Variants in CDYL observed in about 807,000 individuals in gnomAD.
CDYL encodes the protein chromodomain Y like.
CDYL carries 8 observed loss-of-function variants against 47.3 expected under a neutral mutation model. That is an observed-to-expected ratio of 0.17 (90% confidence interval 0.10 to 0.31). CDYL has a LOEUF of 0.31. Among genes scored for constraint, CDYL ranks in the 10% least tolerant of loss-of-function variants. The pLI, the probability that CDYL is intolerant of heterozygous loss-of-function variation, is 1.00. For synonymous variants in CDYL, 266 were observed against 265.0 expected (o/e 1.00, Z -0.04); for missense variants, 471 against 701.4 (o/e 0.67, Z 3.71).
intron 1 of CDYL, among the ~76,000 whole-genome samples, chr6:4,889,633 T>C (rs1449434285): frequency 6.6e-6 from 1 of 152,234 alleles, no homozygotes; most frequent in African/African-American, 2.4e-5. Context: ...TTTGTTTTTG[T>C]CTTTGTTTAA....
intron 1 of CDYL, among the ~76,000 whole-genome samples, chr6:4,786,659 T>C (rs1758764339): frequency 6.6e-6 from 1 of 152,246 alleles, no homozygotes; most frequent in Non-Finnish European, 1.5e-5. Context: ...GTTTATTCTC[T>C]GTACTTTAAA....
At chr6:4,854,321 A>T (rs1473724691) in intron 1 of CDYL, among the ~76,000 whole-genome samples, 1 of 152,220 alleles carries the variant, frequency 6.6e-6, no homozygotes, top group East Asian at 1.9e-4. Context: ...AAAACTCAGC[A>T]TCCGCAGTTC....
At chr6:4,708,535 T>G (rs1397976948) in intron 1 of CDYL, among the ~76,000 whole-genome samples, 1 of 152,224 alleles carries the variant, frequency 6.6e-6, no homozygotes, top group Non-Finnish European at 1.5e-5. Flanking sequence ...AATTTTTGAA[T>G]TTTTTCTATG....
upstream of CDYL, chr6:4,772,885 T>G: frequency 2.9e-6 from 1 of 339,246 alleles, no homozygotes; most frequent in South Asian, 2.3e-5. Context: ...TTGGCTTCTT[T>G]TGTTTTTTTC....
At chr6:4,733,181 A>G (rs377282045) in intron 2 of CDYL, 2 of 152,284 alleles carry the variant, frequency 1.3e-5, no homozygotes, top group East Asian at 3.9e-4. Context: ...AGCCTGCCTG[A>G]TGATGATCAA....
At chr6:4,802,906 G>A (rs1048521946) in intron 1 of CDYL, among the ~76,000 whole-genome samples, 6 of 152,104 alleles carry the variant, frequency 3.9e-5, no homozygotes, top group African/African-American at 1.4e-4. Flanking sequence ...TGACAGTGTG[G>A]CCTGGTACCT....
intron 2 of CDYL, among the ~76,000 whole-genome samples, chr6:4,729,106 C>G (rs1757560650): frequency 6.6e-6 from 1 of 152,130 alleles, no homozygotes. Context: ...TAGTCAGGCA[C>G]AGAAACTCAT....
chr6:4,803,501 T>C (rs969426334), intron 1 of CDYL, among the ~76,000 whole-genome samples: 3 of 152,202 alleles, frequency 2.0e-5, no homozygotes, highest in Non-Finnish European at 2.9e-5. Context: ...ATGAGAATTC[T>C]TTCAGGATTC....
chr6:4,908,163 G>T (rs1174785164), intron 2 of CDYL, among the ~76,000 whole-genome samples: 1 of 152,208 alleles, frequency 6.6e-6, no homozygotes, highest in Non-Finnish European at 1.5e-5. Flanking sequence ...TGGCAGCTTT[G>T]TAAGTACCCA....
intron 1 of CDYL, among the ~76,000 whole-genome samples, chr6:4,831,837 A>G (rs901231260): frequency 6.6e-6 from 1 of 152,180 alleles, no homozygotes. Context: ...CTTTGTAGCA[A>G]TTGTGAATGG....
At chr6:4,827,446 T>C (rs1760010533) in intron 1 of CDYL, among the ~76,000 whole-genome samples, 4 of 152,238 alleles carry the variant, frequency 2.6e-5, no homozygotes, top group African/African-American at 9.6e-5. Flanking sequence ...CTTTTGAATA[T>C]ATAGCTTTTA....
chr6:4,891,150 C>G (rs568882646), intron 1 of CDYL, among the ~76,000 whole-genome samples: 2 of 152,216 alleles, frequency 1.3e-5, no homozygotes, highest in Non-Finnish European at 2.9e-5. Context: ...ATAACCTGAT[C>G]GCTCTAGACT....
Position 4,776,687 on chromosome 6 carries a change from C to A in CDYL, c.-97C>A. ...CGGCCGGCCGCGGGAGCAGGAAGCG[C>A]AGGCCACGCAGGACCCAACTGAAAC... is the stretch of plus-strand genomic sequence containing the variant. On this transcript the variant is annotated 5_prime_UTR_variant, in exon 1 of 7. Transcript: ENST00000397588. 2 of 1,130,146 alleles carry A rather than the reference C, an allele frequency of 1.8e-6. No individual in the cohort carries two copies. The highest frequency in any genetic ancestry group is 1.2e-6 in the Non-Finnish European group (1 of 869,568). 70.0% of individuals were successfully genotyped at this position (1,130,146 alleles called of 1,614,324 possible).
At chr6:4,930,227 G>GT (rs1384384471) in intron 2 of CDYL, among the ~76,000 whole-genome samples, 2 of 152,196 alleles carry the variant, frequency 1.3e-5, no homozygotes, top group African/African-American at 4.8e-5. Flanking sequence ...TTCCTCAAAA[G>GT]TTGTTCACTG....
intron 2 of CDYL, among the ~76,000 whole-genome samples, chr6:4,900,803 A>ATCTATATC (rs1561697588): frequency 2.1e-4 from 16 of 77,672 alleles, no homozygotes; most frequent in African/African-American, 8.7e-4. Flanking sequence ...ATATATATAT[A>ATCTATATC]TATATATATA....
At chr6:4,910,062 C>T (rs975915385) in intron 2 of CDYL, among the ~76,000 whole-genome samples, 1 of 148,930 alleles carries the variant, frequency 6.7e-6, no homozygotes, top group African/African-American at 2.5e-5. Flanking sequence ...TGGTTGACCT[C>T]TTATCCTTCT....
intron 1 of CDYL, among the ~76,000 whole-genome samples, chr6:4,782,663 A>G (rs922226436): frequency 3.3e-5 from 5 of 152,228 alleles, no homozygotes; most frequent in Non-Finnish European, 7.3e-5. Context: ...ATGAAAATTT[A>G]AACAAGTACA....
At chr6:4,827,182 T>C (rs1311702233) in intron 1 of CDYL, among the ~76,000 whole-genome samples, 2 of 152,222 alleles carry the variant, frequency 1.3e-5, no homozygotes, top group Non-Finnish European at 2.9e-5. Flanking sequence ...TTCAACCTTT[T>C]TGTTTTTGAA....
At chr6:4,750,869 T>A (rs1177914191) in intron 3 of CDYL, among the ~76,000 whole-genome samples, 1 of 151,468 alleles carries the variant, frequency 6.6e-6, no homozygotes, top group Non-Finnish European at 1.5e-5. Context: ...TTTTTTTTTT[T>A]TAAGATGGAG....
Sources: gnomAD v4.1 joint callset for allele counts (sites outside exome capture counted in the v4.1 genomes callset) on GRCh38, gnomAD v4.1.1 for gene constraint, MANE v1.5 for transcripts, NCBI Gene and HGNC (gene_info 2026-07-23, HGNC 2026-07-21) for gene names.